USP11: variants seen among roughly 807,000 people sequenced by gnomAD.
USP11 encodes ubiquitin carboxyl-terminal hydrolase 11.
Under a neutral mutation model 72.8 loss-of-function variants are expected in USP11, and 5 were observed. The observed-to-expected ratio is 0.07, with a 90% CI of 0.04 to 0.14. The LOEUF (loss-of-function observed/expected upper bound fraction) is 0.14. USP11 is among the 10% of genes least tolerant of loss of function. USP11 has a pLI of 1.00. For synonymous variants in USP11, 368 were observed against 326.5 expected (o/e 1.13, Z -1.37); for missense variants, 480 against 794.7 (o/e 0.60, Z 4.76).
At position 47,239,139 on chromosome X, in the gene USP11, C is replaced by T; in HGVS notation, c.246C>T (p.Ser82=). The T allele has an allele frequency of 8.3e-7, 1 of 1,209,777 alleles. No individual in the cohort carries two copies. Among genetic ancestry groups the T allele is most frequent in the African/African-American group, 1.7e-5 (1 of 57,587 alleles). Residue 82 remains serine, a synonymous_variant, in exon 2 of 21, where the codon AGC becomes AGT. Coordinates refer to ENST00000377107, the MANE Select transcript of USP11 (RefSeq NM_001371072.1). ...TGCAGGGAGGGGACCAGGACTCCAG[C>T]ACCTTCCCTGGCTGCATCAACAATG... ...AYVQGGDQDS[S]TFPGCINNAT...
intron 2 of USP11, 29 bp downstream of exon 2, chrX:47,239,208 T>C (rs2055389851): frequency 2.5e-6 from 3 of 1,187,507 alleles, no homozygotes; most frequent in African/African-American, 1.8e-5. Context: ...CTTCTCACCC[T>C]AGCCCTGGAG....
chrX:47,245,036 G>A lies in USP11; in HGVS notation c.2107G>A (p.Asp703Asn). The change falls in exon 16 of 21, where the codon GAC becomes AAC. Residue 703 changes from aspartate (D) to asparagine (N), a missense_variant. Around this residue, in one of 5 missense-constraint regions of USP11, gnomAD observed 314 missense variants for 556.0 expected, o/e 0.56. Transcript: ENST00000377107. Reference sequence around the variant, plus strand: ...CCCAGCCCAGCCGTACATTGCTATCGACTGGGAGCCAGAGATGAAGAAGCG... The same window carrying A: ...CCCAGCCCAGCCGTACATTGCTATCAACTGGGAGCCAGAGATGAAGAAGCG... The part of the protein sequence containing the change: ...EVHAQPYIAI[D>N]WEPEMKKRYY... The A allele has an allele frequency of 1.7e-6, 2 of 1,211,764 alleles. No homozygotes were observed. Among genetic ancestry groups the A allele is most frequent in the Non-Finnish European group, 2.2e-6 (2 of 895,485 alleles).
At chrX:47,233,469 C>T in intron 1 of USP11, 3 of 1,021,098 alleles carry the variant, frequency 2.9e-6, no homozygotes, top group South Asian at 3.2e-5. Flanking sequence ...GTGATGAGAC[C>T]AGTTTCGGTC....
intron 17 of USP11, among the ~76,000 whole-genome samples, chrX:47,246,519 C>G (rs939954298): frequency 1.8e-5 from 2 of 111,712 alleles, no homozygotes; most frequent in Non-Finnish European, 3.8e-5. Flanking sequence ...AGACTAGCAT[C>G]TCATGGAACA....
chrX:47,237,775 G>GGTGTGTGTGTGT (rs1428419266), intron 1 of USP11, among the ~76,000 whole-genome samples: 12 of 99,169 alleles, frequency 1.2e-4, no homozygotes, highest in African/African-American at 4.0e-4. Flanking sequence ...CAGCAGAACA[G>GGTGTGTGTGTGT]GTGTGTGTGT....
chrX:47,245,544 CTTTTT>C (rs749492953), intron 17 of USP11, 62 bp downstream of exon 17: 44 of 542,597 alleles, frequency 8.1e-5, no homozygotes, highest in Non-Finnish European at 8.9e-5. Flanking sequence ...CTATATTTAG[CTTTTT>C]TTTTTTTTTT....
chrX:47,240,185 T>C (rs1388843427), intron 4 of USP11, 120 bp from the exon 5 acceptor site: 18 of 990,322 alleles, frequency 1.8e-5, no homozygotes, highest in Middle Eastern at 2.6e-4. Flanking sequence ...TGGAGACTGA[T>C]TGAGGACACA....
At chrX:47,242,845 C>T (rs956232933) in intron 12 of USP11, 125 bp downstream of exon 12, 20 of 534,510 alleles carry the variant, frequency 3.7e-5, no homozygotes, top group Non-Finnish European at 5.1e-5. Context: ...ACCTGCCCTG[C>T]GCAGAGCTTC....
intron 1 of USP11, among the ~76,000 whole-genome samples, chrX:47,238,459 A>G (rs1291607811): frequency 9.1e-5 from 8 of 87,982 alleles, no homozygotes; most frequent in African/African-American, 3.1e-4. Context: ...AAGTGCTGGG[A>G]TTACTGGCGT....
At position 47,245,477 on chromosome X, in the gene USP11, C is replaced by A; in HGVS notation, c.2265C>A (p.Asn755Lys). Residue 755 changes from asparagine (N) to lysine (K), a missense_variant, in exon 17 of 21, where the codon AAC becomes AAA. Physicochemically the swap from Asn to Lys is moderately conservative, Grantham distance 94. Around this residue, in one of 5 missense-constraint regions of USP11, gnomAD observed 314 missense variants for 556.0 expected, o/e 0.56. Transcript: ENST00000377107. ...CTGTGGAGACCCTGGAGAAGGAAAA[C>A]CCCTGGTGAGGGGCCAGAGCGGGGC... is the stretch of plus-strand genomic sequence containing the variant. ...FTTVETLEKE[N>K]PWYCPSCKQH... 8.4e-7 allele frequency: 1 copy of A among 1,196,287 alleles called. No individual in the cohort carries two copies. Among genetic ancestry groups the A allele is most frequent in the Non-Finnish European group, 1.1e-6 (1 of 881,547 alleles).
chrX:47,247,758 C>G (rs779535089), intron 20 of USP11, 35 bp from the exon 21 acceptor site: 1 of 1,209,494 alleles, frequency 8.3e-7, no homozygotes, highest in South Asian at 1.8e-5. Flanking sequence ...TCCCCACCCC[C>G]ACAATCCACA....
At position 47,247,290 on chromosome X, in the gene USP11, C is replaced by A. The variant is rs1351647593; in HGVS notation, c.2421-14C>A. Reference sequence around the variant, plus strand: ...GAGGGGGTGTACCAGTATTAACCCTCTCCCCACCCACAGGGACCTGGACTT... The same window carrying A: ...GAGGGGGTGTACCAGTATTAACCCTATCCCCACCCACAGGGACCTGGACTT... On this transcript the variant is annotated splice_polypyrimidine_tract_variant and intron_variant, in intron 18 of 20. Transcript: ENST00000377107. 1.7e-6 allele frequency: 2 copies of A among 1,211,496 alleles called. No individual in the cohort carries two copies. Among genetic ancestry groups the A allele is most frequent in the Admixed American group, 4.3e-5 (2 of 46,057 alleles).
In USP11 at chrX:47,244,559, G is replaced by A. The variant is rs2055421743; in HGVS notation, c.1843+9G>A. Reference sequence around the variant, plus strand: ...CGATGGGGATGAGAAAGGTGAGGGGGCTAACAGTCAGTGGGCGGGGGCTCT... The same window carrying A: ...CGATGGGGATGAGAAAGGTGAGGGGACTAACAGTCAGTGGGCGGGGGCTCT... On this transcript the variant is annotated intron_variant, in intron 14 of 20. Coordinates refer to ENST00000377107, the MANE Select transcript of USP11 (RefSeq NM_001371072.1). 1 of 1,211,127 alleles carries A rather than the reference G, an allele frequency of 8.3e-7. No homozygotes were observed. Among genetic ancestry groups the A allele is most frequent in the East Asian group, 3.0e-5 (1 of 33,810 alleles).
rs140600622 is a variant in USP11, at chrX:47,241,644, G to A, written c.1124G>A (p.Arg375Gln). 2.5e-6 allele frequency: 3 copies of A among 1,208,589 alleles called. No individual in the cohort carries two copies. The highest frequency in any genetic ancestry group is 2.2e-6 in the Non-Finnish European group (2 of 894,684). ...LLDGLHEDLN[R>Q]VKKKEYVELC... ...GACGGGCTGCATGAGGACCTTAATC[G>A]GGTGAAGAAGAAGGAGTATGTGGAG... is the stretch of plus-strand genomic sequence containing the variant. Residue 375 changes from arginine to glutamine, a missense_variant, in exon 9 of 21, where the codon CGG becomes CAG. Transcript: ENST00000377107.
chrX:47,241,039 C>T, intron 7 of USP11, 163 bp downstream of exon 7: 1 of 566,349 alleles, frequency 1.8e-6, no homozygotes, highest in Non-Finnish European at 2.8e-6. Context: ...CATTCCTGAA[C>T]TATCAGCCTC....
intron 1 of USP11, among the ~76,000 whole-genome samples, chrX:47,238,229 A>C (rs2055384261): frequency 1.0e-5 from 1 of 96,017 alleles, no homozygotes; most frequent in African/African-American, 4.0e-5. Flanking sequence ...ACTCTGTCGC[A>C]CAGGCTGGAG....
chrX:47,239,919 G>A lies in USP11; in HGVS notation c.535+12G>A. ...TACCGATTCTATTGGTGAGTCTAAG[G>A]GTCACGCAATGGGTTGGTGTTCCTA... is the stretch of plus-strand genomic sequence containing the variant. On this transcript the variant is annotated intron_variant, in intron 4 of 20. Transcript: ENST00000377107. 8.3e-7 allele frequency: 1 copy of A among 1,200,382 alleles called. No homozygotes were observed. Among genetic ancestry groups the A allele is most frequent in the Admixed American group, 2.2e-5 (1 of 45,970 alleles).
At position 47,241,666 on chromosome X, in the gene USP11, G is replaced by A; in HGVS notation, c.1146G>A (p.Val382=). 9 of 1,205,599 alleles carry A rather than the reference G, an allele frequency of 7.5e-6. No homozygotes were observed. Among genetic ancestry groups the A allele is most frequent in the African/African-American group, 1.7e-5 (1 of 57,652 alleles). ...DLNRVKKKEY[V]ELCDAAGRPD... ...ATCGGGTGAAGAAGAAGGAGTATGTGGAGCTGTGCGATGCTGCTGGGCGAC... is the reference window on the plus strand; with the variant it reads ...ATCGGGTGAAGAAGAAGGAGTATGTAGAGCTGTGCGATGCTGCTGGGCGAC... The change falls in exon 9 of 21, where the codon GTG becomes GTA. Residue 382 remains valine (V), a synonymous_variant. Coordinates refer to ENST00000377107, the MANE Select transcript of USP11 (RefSeq NM_001371072.1).
At chrX:47,244,599 C>G (rs367684076) in intron 14 of USP11, 49 bp downstream of exon 14, 1 of 1,206,905 alleles carries the variant, frequency 8.3e-7, no homozygotes, top group South Asian at 1.8e-5. Context: ...TAGGTCTGAC[C>G]CACGTAGGGT....
Sources: allele counts gnomAD v4.1 joint callset (sites outside exome capture counted in the v4.1 genomes callset), GRCh38; gene constraint gnomAD v4.1.1; regional missense constraint gnomAD v4.1.1; transcripts MANE v1.5; gene names NCBI Gene and HGNC (gene_info 2026-07-23, HGNC 2026-07-21).